CDC16: variants seen among roughly 807,000 people sequenced by gnomAD.
CDC16 encodes cell division cycle 16, also known as cell division cycle protein 16 homolog.
Under a neutral mutation model 87.0 loss-of-function variants are expected in CDC16, and 34 were observed. The observed-to-expected ratio is 0.39, with a 90% confidence interval of 0.30 to 0.52. CDC16 has a LOEUF of 0.52. Ranked by LOEUF, CDC16 falls within the 20% of genes least tolerant of loss-of-function variation. CDC16 has a pLI of 0.74. For missense variants in CDC16, 653 were observed against 751.9 expected (o/e 0.87, Z 1.54); for synonymous variants, 263 against 260.6 (o/e 1.01, Z -0.09).
In CDC16 at chr13:114,265,198, C is replaced by A. The variant is rs754062932; in HGVS notation, c.1561C>A (p.His521Asn). 11 of 1,612,148 alleles carry A rather than the reference C, an allele frequency of 6.8e-6. No individual in the cohort carries two copies. The South Asian group carries it at 1.2e-4, about 18-fold the overall frequency. The part of the protein sequence containing the change: ...DDTFSVTMLG[H>N]CIEMYIGDSE... Reference sequence around the variant, plus strand: ...TACATTTTCTGTTACAATGCTTGGTCATTGCATCGAAATGTACATTGGTGA... The same window carrying A: ...TACATTTTCTGTTACAATGCTTGGTAATTGCATCGAAATGTACATTGGTGA... Residue 521 changes from histidine (H) to asparagine (N), a missense_variant, in exon 17 of 18, where the codon CAT becomes AAT. By Grantham distance (68) the His-to-Asn change is moderately conservative. Transcript: ENST00000356221.
rs17291215 is a variant in CDC16 at position 114,245,828 on chromosome 13, C to A, written c.848-172C>A. The A allele has an allele frequency of 1.5e-3, 820 of 561,100 alleles. 11 individuals carry two copies. The East Asian group carries it at 0.024, about 16-fold the overall frequency. 34.8% of individuals were successfully genotyped at this position (561,100 alleles called of 1,614,324 possible). A position where few individuals can be genotyped will look rare whatever the true frequency, so the allele number is the denominator to read the frequency against. On this transcript the variant is annotated intron_variant, in intron 9 of 17. Transcript: ENST00000356221. ...TGTTCCCACCTTGCCCACAGTGTGT[C>A]CTTCATCTAACTCTCCAGTTAGAGA...
intron 14 of CDC16, among the ~76,000 whole-genome samples, chr13:114,261,468 G>A (rs1342982603): frequency 6.6e-6 from 1 of 152,070 alleles, no homozygotes; most frequent in East Asian, 1.9e-4. Flanking sequence ...TTCACTGACT[G>A]GAGGGGCACT....
At chr13:114,271,907 A>AGTCTTCT (rs2083703807) in intron 17 of CDC16, among the ~76,000 whole-genome samples, 1 of 152,240 alleles carries the variant, frequency 6.6e-6, no homozygotes, top group Non-Finnish European at 1.5e-5. Context: ...TGCTTCTGAA[A>AGTCTTCT]GTCTTCTGAC....
intron 3 of CDC16, among the ~76,000 whole-genome samples, chr13:114,237,188 A>G (rs1453143464): frequency 6.6e-6 from 1 of 151,072 alleles, no homozygotes; most frequent in Admixed American, 6.6e-5. Flanking sequence ...CGTGCATTGC[A>G]CTCCAGCCTG....
At position 114,235,130 on chromosome 13, in the gene CDC16, C is replaced by T; in HGVS notation, c.46C>T (p.Gln16Ter). The T allele has an allele frequency of 8.0e-7, 1 of 1,244,402 alleles. No homozygotes were observed. 77.1% of individuals were successfully genotyped at this position (1,244,402 alleles called of 1,614,324 possible). ...GAAGCGCGTCCGGCAGTACCTCGAC[C>T]AGGTGGGCGGCCCCGACTCGGGGTG... Reference protein sequence around the residue: ...LRKRVRQYLDQQQYQSALFWA... With the variant: ...LRKRVRQYLD Residue 16 changes from glutamine to a stop codon, truncating the protein, a stop_gained and splice_region_variant, in exon 1 of 18, where the codon CAG becomes TAG. Coordinates refer to ENST00000356221, the MANE Select transcript of CDC16 (RefSeq NM_001078645.3). LOFTEE classifies it high-confidence loss of function.
chr13:114,244,983 T>C lies in CDC16; in HGVS notation c.847+14T>C. 1 of 1,471,658 alleles carries C rather than the reference T, an allele frequency of 6.8e-7. No individual in the cohort carries two copies. Among genetic ancestry groups the C allele is most frequent in the Non-Finnish European group, 9.4e-7 (1 of 1,065,660 alleles). 91.2% of individuals were successfully genotyped at this position (1,471,658 alleles called of 1,614,324 possible). On this transcript the variant is annotated intron_variant, in intron 9 of 17. Coordinates refer to ENST00000356221, the MANE Select transcript of CDC16 (RefSeq NM_001078645.3). ...ATAAAGCCAATGGTAAGACTTTTTT[T>C]TAAATTAAAGTAATTCTTAGACATA...
intron 12 of CDC16, 145 bp from the exon 13 acceptor site, chr13:114,256,933 A>G (rs1217023411): frequency 5.6e-6 from 3 of 532,280 alleles, no homozygotes; most frequent in East Asian, 6.1e-5. Context: ...CATTCATTAA[A>G]TATTTGTAAA....
chr13:114,270,650 A>G (rs368011766), intron 17 of CDC16, among the ~76,000 whole-genome samples: 9 of 152,344 alleles, frequency 5.9e-5, no homozygotes, highest in African/African-American at 1.9e-4. Flanking sequence ...CATAGGGTTC[A>G]TTCAGCCATG....
At chr13:114,271,880 G>C (rs1174700008) in intron 17 of CDC16, among the ~76,000 whole-genome samples, 1 of 151,414 alleles carries the variant, frequency 6.6e-6, no homozygotes, top group East Asian at 1.9e-4. Flanking sequence ...TTGAAACACT[G>C]GAGCTGCAAC....
rs1016410171 is a variant in CDC16, at chr13:114,248,282, C to G, written c.971+1278C>G. ...AAACAGAATTGGTCTCTAACGGAAA[C>G]AGCATAAACTTTGGAGTCAAATTTG... is the stretch of plus-strand genomic sequence containing the variant. On this transcript the variant is annotated intron_variant, in intron 11 of 17. Coordinates refer to ENST00000356221, the MANE Select transcript of CDC16 (RefSeq NM_001078645.3). 2.0e-5 allele frequency among the ~76,000 whole-genome samples: 3 copies of G among 152,322 alleles called. No individual in the cohort carries two copies. The South Asian group carries it at 6.2e-4, about 32-fold the overall frequency.
chr13:114,247,115 G>GT (rs5807004), intron 11 of CDC16, 111 bp downstream of exon 11: 32,255 of 494,040 alleles, frequency 0.065, 1 homozygote, highest in East Asian at 0.11. Context: ...AAGAATAAAT[G>GT]TTTTTTTTTT....
intron 9 of CDC16, among the ~76,000 whole-genome samples, chr13:114,245,407 G>A (rs893625597): frequency 5.9e-5 from 9 of 152,026 alleles, no homozygotes; most frequent in Non-Finnish European, 8.8e-5. Flanking sequence ...GTTTGGGGAT[G>A]CATTTGTCCT....
intron 11 of CDC16, among the ~76,000 whole-genome samples, chr13:114,248,524 T>TA (rs927975666): frequency 6.6e-6 from 1 of 152,060 alleles, no homozygotes; most frequent in Admixed American, 6.5e-5. Flanking sequence ...CTACTAAAAA[T>TA]AAAAAAATCA....
At position 114,252,309 on chromosome 13, in the gene CDC16, G is replaced by A. The variant is rs2082241246; in HGVS notation, c.1097+1635G>A. On this transcript the variant is annotated intron_variant, in intron 12 of 17. Transcript: ENST00000356221. ...AAGAGCTTTACACTAGCCCTGTTGG[G>A]TAAAAGCCATACTCTTAGGACTTCA... 2.6e-5 allele frequency among the ~76,000 whole-genome samples: 4 copies of A among 152,224 alleles called. 1 individual carries two copies. The South Asian group carries it at 8.3e-4, about 32-fold the overall frequency.
rs373160928 is a variant in CDC16 at position 114,263,101 on chromosome 13, C to CT, written c.1512+89dup. The CT allele has an allele frequency of 1.2e-4, 140 of 1,192,014 alleles. No homozygotes were observed. In the African/African-American group the frequency reaches 1.8e-3, roughly 15 times the overall value. The allele number at this position is 1,192,014 out of a possible 1,614,324, so 73.8% of individuals were successfully genotyped here. ...AAATATTTTTTCTAGGTAATATTGA[C>CT]TTACTATTTTAATATTCTTTAGGCA... On this transcript the variant is annotated intron_variant, in intron 16 of 17. Coordinates refer to ENST00000356221, the MANE Select transcript of CDC16 (RefSeq NM_001078645.3).
At chr13:114,246,165 G>T (rs1384699819) in intron 10 of CDC16, 116 bp downstream of exon 10, 1 of 541,616 alleles carries the variant, frequency 1.8e-6, no homozygotes, top group African/African-American at 2.0e-5. Flanking sequence ...TTATTAAAGT[G>T]TTGCAACAGA....
At position 114,234,974 on chromosome 13, in the gene CDC16, G is replaced by A; in HGVS notation, c.-111G>A. The A allele has an allele frequency of 3.9e-6, 3 of 778,354 alleles. No individual in the cohort carries two copies. The highest frequency in any genetic ancestry group is 5.2e-6 in the Non-Finnish European group (3 of 575,590). The allele number at this position is 778,354 out of a possible 1,614,324, so 48.2% of individuals were successfully genotyped here. On this transcript the variant is annotated 5_prime_UTR_variant, in exon 1 of 18. Coordinates refer to ENST00000356221, the MANE Select transcript of CDC16 (RefSeq NM_001078645.3). ...TCGAGTCCGCGGCCTTCGAGTCCTG[G>A]GGCGGCGGCGGCGGCTGCAGGCACG...
intron 1 of CDC16, 22 bp from the exon 2 acceptor site, chr13:114,236,623 T>A: frequency 4.7e-6 from 1 of 214,344 alleles, no homozygotes; most frequent in African/African-American, 2.8e-5. Flanking sequence ...AGTTACCACC[T>A]TTTTTTTTTT....
rs1375819459 is a variant in CDC16, at chr13:114,272,541, C to T, written c.*98C>T. On this transcript the variant is annotated 3_prime_UTR_variant, in exon 18 of 18. Coordinates refer to ENST00000356221, the MANE Select transcript of CDC16 (RefSeq NM_001078645.3). ...GAATGTCCCACTTCCTAACGTGACT[C>T]CAAACTGCATCTCTACATTTAGGAA... The T allele has an allele frequency of 1.9e-6, 2 of 1,028,054 alleles. No individual in the cohort carries two copies. Among genetic ancestry groups the T allele is most frequent in the Non-Finnish European group, 2.8e-6 (2 of 704,490 alleles). 63.7% of individuals were successfully genotyped at this position (1,028,054 alleles called of 1,614,324 possible). A position where few individuals can be genotyped will look rare whatever the true frequency, so the allele number is the denominator to read the frequency against.
Sources: gnomAD v4.1 joint callset for allele counts (sites outside exome capture counted in the v4.1 genomes callset) on GRCh38, gnomAD v4.1.1 for gene constraint, MANE v1.5 for transcripts, NCBI Gene and HGNC (gene_info 2026-07-23, HGNC 2026-07-21) for gene names.